The following CNIH3 variants were observed in gnomAD, a reference collection of about 807,000 sequenced individuals.
CNIH3 encodes protein cornichon homolog 3.
A neutral mutation model predicts 24.1 loss-of-function variants in CNIH3; 14 were observed. The ratio of observed to expected loss-of-function variants is 0.58; its 90% CI spans 0.38 to 0.91. The LOEUF is 0.91. CNIH3 is among the 40% of genes least tolerant of loss of function. The pLI, the probability that CNIH3 is intolerant of heterozygous loss-of-function variation, is 0.00. For missense variants in CNIH3, 178 were observed against 196.8 expected (o/e 0.90, Z 0.57); for synonymous variants, 68 against 73.8 (o/e 0.92, Z 0.40).
intron 4 of CNIH3, among the ~76,000 whole-genome samples, chr1:224,582,648 T>C (rs1681326473): frequency 6.6e-6 from 1 of 152,142 alleles, no homozygotes; most frequent in Non-Finnish European, 1.5e-5. Context: ...TTGAGAAGCC[T>C]GTTGAAATCA....
intron 1 of CNIH3, among the ~76,000 whole-genome samples, chr1:224,472,310 A>C (rs1293536100): frequency 6.6e-6 from 1 of 152,266 alleles, no homozygotes; most frequent in Admixed American, 6.5e-5. Context: ...AGAAGTCATT[A>C]TATAAAAAAG....
intron 3 of CNIH3, among the ~76,000 whole-genome samples, chr1:224,550,848 T>TC (rs1679889467): frequency 9.3e-6 from 1 of 107,974 alleles, no homozygotes; most frequent in African/African-American, 3.5e-5. Context: ...ATGCTATCCC[T>TC]CCCCCTCCCC....
intron 1 of CNIH3, among the ~76,000 whole-genome samples, chr1:224,627,380 C>T (rs1028223792): frequency 1.3e-5 from 2 of 152,136 alleles, no homozygotes; most frequent in African/African-American, 4.8e-5. Flanking sequence ...CACGTGCCAC[C>T]ACACCCAGCT....
At chr1:224,439,722 C>T (rs1231783889) in intron 1 of CNIH3, among the ~76,000 whole-genome samples, 1 of 151,956 alleles carries the variant, frequency 6.6e-6, no homozygotes, top group Admixed American at 6.6e-5. Flanking sequence ...AGTGATTCTC[C>T]TACCTCAGCC....
intron 1 of CNIH3, among the ~76,000 whole-genome samples, chr1:224,626,773 G>GCCCCAA (rs1324170362): frequency 6.6e-6 from 1 of 152,098 alleles, no homozygotes; most frequent in Non-Finnish European, 1.5e-5. Flanking sequence ...CCATCTCACA[G>GCCCCAA]CCCCAACCCC....
chr1:224,482,193 G>A (rs1002515926), intron 1 of CNIH3, among the ~76,000 whole-genome samples: 9 of 152,262 alleles, frequency 5.9e-5, no homozygotes, highest in Non-Finnish European at 8.8e-5. Context: ...CTGAAGTTTG[G>A]AATCAGGGAC....
chr1:224,695,245 C>T (rs1687106459), intron 3 of CNIH3, among the ~76,000 whole-genome samples: 1 of 152,096 alleles, frequency 6.6e-6, no homozygotes, highest in African/African-American at 2.4e-5. Flanking sequence ...AGACTTCAAC[C>T]ACAACTTGAC....
intron 3 of CNIH3, among the ~76,000 whole-genome samples, chr1:224,725,383 G>A (rs1351360496): frequency 6.6e-6 from 1 of 152,190 alleles, no homozygotes; most frequent in Non-Finnish European, 1.5e-5. Context: ...ATGGGTAGCT[G>A]CTTTTCTAAA....
downstream of CNIH3, among the ~76,000 whole-genome samples, chr1:224,539,505 AG>A (rs1219770537): frequency 6.6e-6 from 1 of 152,182 alleles, no homozygotes; most frequent in Non-Finnish European, 1.5e-5. Flanking sequence ...CAGTTCAGAT[AG>A]TTTTACCTCC....
chr1:224,567,726 A>G (rs1680638170), intron 4 of CNIH3, among the ~76,000 whole-genome samples: 1 of 152,176 alleles, frequency 6.6e-6, no homozygotes, highest in African/African-American at 2.4e-5. Flanking sequence ...ATAGTTTCAC[A>G]AAAGGATTAT....
At chr1:224,444,167 C>T (rs907373678) in intron 1 of CNIH3, among the ~76,000 whole-genome samples, 3 of 151,898 alleles carry the variant, frequency 2.0e-5, no homozygotes, top group Non-Finnish European at 2.9e-5. Flanking sequence ...ACTTATACTT[C>T]GGTATATAGC....
At position 224,446,449 on chromosome 1, in the gene CNIH3, G is replaced by A. The variant is rs188201386; in HGVS notation, n.203+11587G>A. Among the ~76,000 whole-genome samples the A allele has an allele frequency of 1.2e-4, 18 of 152,118 alleles. No homozygotes were observed. The East Asian group carries it at 2.5e-3, about 21-fold the overall frequency. ...TTCTTTAAGTCTTTAATTTTTCTTA[G>A]TAATGTTTCATGGTTTTCTGTGTAG... On this transcript the variant is annotated intron_variant and non_coding_transcript_variant, in intron 1 of 5. Transcript: ENST00000471578.
chr1:224,684,705 C>T lies in CNIH3; in HGVS notation c.151-91C>T. The T allele has an allele frequency of 8.5e-7, 1 of 1,178,088 alleles. No homozygotes were observed. The highest frequency in any genetic ancestry group is 1.3e-6 in the Non-Finnish European group (1 of 784,520). 73.0% of individuals were successfully genotyped at this position (1,178,088 alleles called of 1,614,324 possible). On this transcript the variant is annotated intron_variant, in intron 2 of 5. Coordinates refer to ENST00000272133, the MANE Select transcript of CNIH3 (RefSeq NM_152495.2). This position sits in a 1 kb window ranked among gnomAD's most constrained non-coding sequence, Gnocchi z 4.2. ...GAGGGGTCTCTGGTGGCTTCTGCCT[C>T]CACTATTGGGGCTGATTGCGGGGCC...
intron 1 of CNIH3, among the ~76,000 whole-genome samples, chr1:224,437,324 G>A (rs140455358): frequency 6.6e-6 from 1 of 152,296 alleles, no homozygotes; most frequent in East Asian, 1.9e-4. Flanking sequence ...TTAAAAACGG[G>A]TCTCTATTTG....
At chr1:224,541,790 G>A (rs896405643), downstream of CNIH3, among the ~76,000 whole-genome samples, 2 of 152,030 alleles carry the variant, frequency 1.3e-5, no homozygotes, top group Admixed American at 1.3e-4. Context: ...AATTTTGTGA[G>A]CATAACTATG....
chr1:224,504,681 G>A (rs1399346012), intron 1 of CNIH3, among the ~76,000 whole-genome samples: 1 of 152,118 alleles, frequency 6.6e-6, no homozygotes, highest in East Asian at 1.9e-4. Context: ...GTTGTAACTG[G>A]TCTTTGCATG....
intron 1 of CNIH3, among the ~76,000 whole-genome samples, chr1:224,509,864 G>A (rs928007331): frequency 3.9e-5 from 6 of 152,206 alleles, no homozygotes; most frequent in African/African-American, 1.4e-4. Context: ...AGCTGCAGGC[G>A]ACAGTGTCAG....
chr1:224,479,311 G>A (rs902558775), intron 1 of CNIH3, among the ~76,000 whole-genome samples: 4 of 151,952 alleles, frequency 2.6e-5, no homozygotes, highest in East Asian at 1.9e-4. Flanking sequence ...GCGTCACCAC[G>A]CCCGGCTAAT....
intron 4 of CNIH3, among the ~76,000 whole-genome samples, chr1:224,575,675 A>C (rs1450742372): frequency 6.6e-6 from 1 of 152,158 alleles, no homozygotes; most frequent in African/African-American, 2.4e-5. Context: ...TGCCACTAAC[A>C]GCTGAGTTTT....
Sources: allele counts gnomAD v4.1 joint callset (sites outside exome capture counted in the v4.1 genomes callset), GRCh38; gene constraint gnomAD v4.1.1; non-coding constraint Gnocchi (gnomAD v3.1); transcripts MANE v1.5; gene names NCBI Gene and HGNC (gene_info 2026-07-23, HGNC 2026-07-21).